The following MACROD2 variants were observed in gnomAD, a reference collection of about 807,000 sequenced individuals.
MACROD2 encodes mono-ADP ribosylhydrolase 2.
MACROD2 carries 36 observed loss-of-function variants against 70.4 expected under a neutral mutation model. The observed-to-expected ratio is 0.51, with a 90% CI of 0.39 to 0.68. MACROD2 has a LOEUF of 0.68. Among genes scored for constraint, MACROD2 ranks in the 30% least tolerant of loss-of-function variants. The pLI is 0.00. For synonymous variants in MACROD2, 172 were observed against 178.8 expected, an observed-to-expected ratio of 0.96 and a Z score of 0.30; for missense variants, 496 against 538.4, an observed-to-expected ratio of 0.92 and a Z score of 0.78.
intron 8 of MACROD2, among the ~76,000 whole-genome samples, chr20:15,535,738 C>T (rs924619096): frequency 2.0e-5 from 3 of 152,170 alleles, no homozygotes; most frequent in Admixed American, 6.6e-5. Flanking sequence ...CTCTGGGTTT[C>T]CATCTTCCTG....
At chr20:14,611,449 G>T (rs1983153922) in intron 4 of MACROD2, among the ~76,000 whole-genome samples, 1 of 140,606 alleles carries the variant, frequency 7.1e-6, no homozygotes. Context: ...GCAATGCCCT[G>T]AGGTTTTTTT....
At chr20:14,609,775 T>TAATC (rs1400909016) in intron 4 of MACROD2, among the ~76,000 whole-genome samples, 1 of 152,136 alleles carries the variant, frequency 6.6e-6, no homozygotes, top group Non-Finnish European at 1.5e-5. Context: ...ATCTGCTGTG[T>TAATC]AATCATTAAC....
At chr20:15,983,229 C>T (rs1412537509) in intron 13 of MACROD2, among the ~76,000 whole-genome samples, 2 of 152,178 alleles carry the variant, frequency 1.3e-5, no homozygotes, top group East Asian at 1.9e-4. Flanking sequence ...CCTTGTGGGG[C>T]TCCAATTGCA....
intron 8 of MACROD2, among the ~76,000 whole-genome samples, chr20:15,746,089 G>C (rs1010339362): frequency 2.0e-5 from 3 of 152,032 alleles, no homozygotes; most frequent in Non-Finnish European, 4.4e-5. Context: ...GATTAGGATT[G>C]CCTTAACTGT....
At chr20:14,623,304 T>G (rs1600469995) in intron 4 of MACROD2, among the ~76,000 whole-genome samples, 2 of 152,124 alleles carry the variant, frequency 1.3e-5, no homozygotes, top group East Asian at 3.9e-4. Context: ...GAGCCATGTG[T>G]TCTCCAGGAA....
intron 5 of MACROD2, among the ~76,000 whole-genome samples, chr20:14,802,467 C>A (rs954138935): frequency 6.6e-6 from 1 of 151,860 alleles, no homozygotes; most frequent in African/African-American, 2.4e-5. Context: ...AAAACTGTCC[C>A]TCTTCTTAGC....
chr20:15,518,372 G>C (rs1394967060), intron 8 of MACROD2, among the ~76,000 whole-genome samples: 2 of 152,228 alleles, frequency 1.3e-5, no homozygotes, highest in African/African-American at 4.8e-5. Flanking sequence ...TGTAGCAGCA[G>C]AGCCAATTGA....
intron 5 of MACROD2, among the ~76,000 whole-genome samples, chr20:14,857,856 T>C (rs143948365): frequency 0.019 from 2,717 of 140,540 alleles, 68 homozygotes; most frequent in African/African-American, 0.062. Context: ...GTCTCACTCT[T>C]GTCGCCCAGG....
intron 2 of MACROD2, among the ~76,000 whole-genome samples, chr20:14,018,869 AG>A (rs2053029594): frequency 6.6e-6 from 1 of 152,184 alleles, no homozygotes. Context: ...CTTTATTGCA[AG>A]GTTGACTAGC....
intron 3 of MACROD2, among the ~76,000 whole-genome samples, chr20:14,441,683 C>A (rs1439135402): frequency 6.6e-6 from 1 of 152,060 alleles, no homozygotes; most frequent in African/African-American, 2.4e-5. Context: ...CAGAGATTTC[C>A]AGCATAGTTT....
chr20:14,912,862 T>C (rs915719292), intron 5 of MACROD2, among the ~76,000 whole-genome samples: 15 of 152,186 alleles, frequency 9.9e-5, no homozygotes, highest in Admixed American at 7.9e-4. Flanking sequence ...AGGATCTCAC[T>C]GTGGGGGCTC....
chr20:15,385,651 G>T (rs1291302716), intron 6 of MACROD2, among the ~76,000 whole-genome samples: 1 of 152,094 alleles, frequency 6.6e-6, no homozygotes, highest in Admixed American at 6.5e-5. Context: ...TCCCTAGATA[G>T]GTCCATTAAT....
intron 3 of MACROD2, among the ~76,000 whole-genome samples, chr20:14,320,503 A>T (rs1011670872): frequency 4.6e-5 from 7 of 152,248 alleles, no homozygotes; most frequent in Non-Finnish European, 8.8e-5. Context: ...ATCAATGCAG[A>T]CTTCTCAGCT....
chr20:15,717,692 A>T (rs1415819657), intron 8 of MACROD2, among the ~76,000 whole-genome samples: 1 of 152,138 alleles, frequency 6.6e-6, no homozygotes, highest in Non-Finnish European at 1.5e-5. Context: ...GGTGACGTGG[A>T]TTGTCAAATG....
chr20:14,581,106 C>A (rs1980985889), intron 4 of MACROD2, among the ~76,000 whole-genome samples: 2 of 152,258 alleles, frequency 1.3e-5, no homozygotes, highest in East Asian at 1.9e-4. Flanking sequence ...ATAACCCAGC[C>A]CAGACATTTT....
chr20:14,083,551 G>C (rs2054029873), intron 2 of MACROD2, among the ~76,000 whole-genome samples: 1 of 152,130 alleles, frequency 6.6e-6, no homozygotes, highest in Admixed American at 6.5e-5. Context: ...GACTCACCCA[G>C]CTGTTAACTG....
At chr20:14,866,114 G>A (rs1173622268) in intron 5 of MACROD2, among the ~76,000 whole-genome samples, 1 of 152,036 alleles carries the variant, frequency 6.6e-6, no homozygotes, top group African/African-American at 2.4e-5. Flanking sequence ...ATAAATGAAT[G>A]AACAAATAAG....
chr20:15,793,870 TAAG>T (rs1218444722), intron 8 of MACROD2, among the ~76,000 whole-genome samples: 8 of 147,310 alleles, frequency 5.4e-5, no homozygotes, highest in African/African-American at 1.5e-4. Context: ...TATATTATAT[TAAG>T]AATGGGGATT....
At chr20:14,301,093 G>T (rs1196930482) in intron 3 of MACROD2, among the ~76,000 whole-genome samples, 2 of 152,074 alleles carry the variant, frequency 1.3e-5, no homozygotes, top group African/African-American at 2.4e-5. Flanking sequence ...CTCATTTTCA[G>T]AAATGGAGTT....
Sources: gnomAD v4.1 joint callset for allele counts (sites outside exome capture counted in the v4.1 genomes callset) on GRCh38, gnomAD v4.1.1 for gene constraint, MANE v1.5 for transcripts, NCBI Gene and HGNC (gene_info 2026-07-23, HGNC 2026-07-21) for gene names.